Variants in PCDHGC3 observed in about 807,000 individuals in gnomAD.
The protein encoded by PCDHGC3 is protocadherin gamma-C3.
Under a neutral mutation model 59.2 loss-of-function variants are expected in PCDHGC3, and 26 were observed. That is an observed-to-expected ratio of 0.44 (90% CI 0.32 to 0.61). The LOEUF (loss-of-function observed/expected upper bound fraction) is 0.61, where lower values mean the gene tolerates loss of function less well. PCDHGC3 is among the 20% of genes least tolerant of loss of function. The pLI, the probability that PCDHGC3 is intolerant of heterozygous loss-of-function variation, is 0.05. For missense variants in PCDHGC3, 1,080 were observed against 1,221.8 expected (o/e 0.88, Z 1.73); for synonymous variants, 487 against 519.7 (o/e 0.94, Z 0.86).
rs936419038 is a variant in PCDHGC3 at position 141,493,313 on chromosome 5, G to T, written c.2431-1494G>T. On this transcript the variant is annotated intron_variant, in intron 1 of 3. Transcript: ENST00000308177. This position sits in a 1 kb window ranked among gnomAD's most constrained non-coding sequence, Gnocchi z 4.3. ...TCAAGTTCACAGAGCAAGTAAGAGA[G>T]ATTCTAACCCCTGTCTAACTCCAGA... Among the ~76,000 whole-genome samples, 4 of 152,214 alleles carry T rather than the reference G, an allele frequency of 2.6e-5. No individual in the cohort carries two copies. Among genetic ancestry groups the T allele is most frequent in the Non-Finnish European group, 4.4e-5 (3 of 68,040 alleles).
At chr5:141,481,656 A>G (rs1425280340) in intron 1 of PCDHGC3, among the ~76,000 whole-genome samples, 1 of 152,084 alleles carries the variant, frequency 6.6e-6, no homozygotes, top group Non-Finnish European at 1.5e-5. Context: ...CATCTCTACT[A>G]ATAATACAAA....
chr5:141,497,191 A>G (rs2099774633), intron 2 of PCDHGC3, among the ~76,000 whole-genome samples: 1 of 126,864 alleles, frequency 7.9e-6, no homozygotes, highest in Admixed American at 8.3e-5. Context: ...TGAGAGGCAG[A>G]GAACAATGTG....
intron 2 of PCDHGC3, among the ~76,000 whole-genome samples, chr5:141,502,253 T>C (rs1331834149): frequency 6.6e-6 from 1 of 152,232 alleles, no homozygotes; most frequent in South Asian, 2.1e-4. Context: ...TTTTTTTTAA[T>C]CCAGGATTTT....
Position 141,491,754 on chromosome 5 carries a change from C to T in PCDHGC3, c.2431-3053C>T. ...CCCCTGGGGGCGGCACTGGAGAAGC[C>T]GCCCGTCCTCATAAGGGATTGAACT... On this transcript the variant is annotated intron_variant, in intron 1 of 3. Transcript: ENST00000308177. The surrounding 1 kb of genome is among the most constrained non-coding windows in gnomAD (Gnocchi z 6.9). 5.7e-6 allele frequency: 9 copies of T among 1,582,682 alleles called. No individual in the cohort carries two copies. The highest frequency in any genetic ancestry group is 7.7e-6 in the Non-Finnish European group (9 of 1,165,614).
Position 141,491,819 on chromosome 5 carries a change from G to C in PCDHGC3, c.2431-2988G>C. The C allele has an allele frequency of 6.7e-7, 1 of 1,482,028 alleles. No individual in the cohort carries two copies. Among genetic ancestry groups the C allele is most frequent in the Non-Finnish European group, 9.0e-7 (1 of 1,116,648 alleles). The allele number at this position is 1,482,028 out of a possible 1,614,324, so 91.8% of individuals were successfully genotyped here. A position where few individuals can be genotyped will look rare whatever the true frequency, so the allele number is the denominator to read the frequency against. On this transcript the variant is annotated intron_variant, in intron 1 of 3. Transcript: ENST00000308177. This position sits in a 1 kb window ranked among gnomAD's most constrained non-coding sequence, Gnocchi z 6.9. ...TCCGGCCGGCTTGGTCGCTGGCTGCGCTCCACCCGATTCTCGGGATCATTG... is the reference window on the plus strand; with the variant it reads ...TCCGGCCGGCTTGGTCGCTGGCTGCCCTCCACCCGATTCTCGGGATCATTG...
At chr5:141,497,849 T>G (rs1337258582) in intron 2 of PCDHGC3, among the ~76,000 whole-genome samples, 1 of 152,192 alleles carries the variant, frequency 6.6e-6, no homozygotes, top group African/African-American at 2.4e-5. Flanking sequence ...ACAAACATTT[T>G]TGATTCAGCG....
Position 141,490,156 on chromosome 5 carries a change from G to T in PCDHGC3, c.2431-4651G>T. On this transcript the variant is annotated intron_variant, in intron 1 of 3. Coordinates refer to ENST00000308177, the MANE Select transcript of PCDHGC3 (RefSeq NM_002588.4). The surrounding 1 kb of genome is among the most constrained non-coding windows in gnomAD (Gnocchi z 5.4). ...TAGCAGTGGGGCAATCCATGTGTTG[G>T]GTCCCATAGACTTTGAGGAGTCACG... is the stretch of plus-strand genomic sequence containing the variant. 3.1e-6 allele frequency: 5 copies of T among 1,614,192 alleles called. No individual in the cohort carries two copies. Among genetic ancestry groups the T allele is most frequent in the Non-Finnish European group, 4.2e-6 (5 of 1,180,034 alleles).
chr5:141,485,632 G>T lies in PCDHGC3; in HGVS notation c.2430+7086G>T. The T allele has an allele frequency of 6.2e-7, 1 of 1,611,766 alleles. No homozygotes were observed. Among genetic ancestry groups the T allele is most frequent in the Non-Finnish European group, 8.5e-7 (1 of 1,178,342 alleles). The stretch of plus-strand genomic sequence containing the variant: ...CAGCTCCTCCAGGACAGCGTTTCCC[G>T]TTGGAAAAGGCTCAGGATGCAGATG... On this transcript the variant is annotated intron_variant, in intron 1 of 3. Coordinates refer to ENST00000308177, the MANE Select transcript of PCDHGC3 (RefSeq NM_002588.4). This position sits in a 1 kb window ranked among gnomAD's most constrained non-coding sequence, Gnocchi z 5.7.
chr5:141,477,634 G>C lies in PCDHGC3; in HGVS notation c.1518G>C (p.Val506=). 2 of 1,614,176 alleles carry C rather than the reference G, an allele frequency of 1.2e-6. No individual in the cohort carries two copies. Among genetic ancestry groups the C allele is most frequent in the Non-Finnish European group, 1.7e-6 (2 of 1,180,034 alleles). The change falls in exon 1 of 4, where the codon GTG becomes GTC. Residue 506 remains valine (V), a synonymous_variant. Transcript: ENST00000308177. This position sits in a 1 kb window ranked among gnomAD's most constrained non-coding sequence, Gnocchi z 4.9. ...LLEQGAETGL[V]GRYFTINRDN... Reference sequence around the variant, plus strand: ...AGCAAGGAGCTGAAACCGGGCTAGTGGGTCGCTATTTCACAATAAATCGTG... The same window carrying C: ...AGCAAGGAGCTGAAACCGGGCTAGTCGGTCGCTATTTCACAATAAATCGTG...
chr5:141,497,062 A>C (rs779414748), intron 2 of PCDHGC3, among the ~76,000 whole-genome samples: 6 of 152,024 alleles, frequency 3.9e-5, no homozygotes, highest in Non-Finnish European at 7.4e-5. Flanking sequence ...GGTGGCAGGC[A>C]CCTGTAATCC....
rs1562142740 is a variant in PCDHGC3, at chr5:141,490,958, ACT to A, written c.2431-3847_2431-3846del. 1 of 1,613,728 alleles carries A rather than the reference ACT, an allele frequency of 6.2e-7. No homozygotes were observed. Among genetic ancestry groups the A allele is most frequent in the Non-Finnish European group, 8.5e-7 (1 of 1,179,830 alleles). On this transcript the variant is annotated intron_variant, in intron 1 of 3. Transcript: ENST00000308177. The surrounding 1 kb of genome is among the most constrained non-coding windows in gnomAD (Gnocchi z 5.4). Reference sequence around the variant, plus strand: ...CTGCACCCACGGCCAGACTGGGAACACTCAGCCCCCCAGCGTCTCCCTCGCTC... The same window carrying A: ...CTGCACCCACGGCCAGACTGGGAACACAGCCCCCCAGCGTCTCCCTCGCTC...
intron 3 of PCDHGC3, among the ~76,000 whole-genome samples, chr5:141,509,815 TCTC>T (rs1596250992): frequency 6.6e-6 from 1 of 152,226 alleles, no homozygotes; most frequent in East Asian, 1.9e-4. Flanking sequence ...GCCGAGCTCT[TCTC>T]CATCTTCTCT....
At position 141,503,992 on chromosome 5, in the gene PCDHGC3, A is replaced by G. The variant is rs1419698681; in HGVS notation, c.2490-1401A>G. 2.6e-5 allele frequency among the ~76,000 whole-genome samples: 4 copies of G among 152,116 alleles called. No homozygotes were observed. In the East Asian group the frequency reaches 7.7e-4, roughly 29 times the overall value. ...GGTGCCAAACCCTTCTTCTTACCTTACAGTCACTTAACTGTCTCTGCTGGT... is the reference window on the plus strand; with the variant it reads ...GGTGCCAAACCCTTCTTCTTACCTTGCAGTCACTTAACTGTCTCTGCTGGT... On this transcript the variant is annotated intron_variant, in intron 2 of 3. Transcript: ENST00000308177.
chr5:141,510,840 A>C (rs2099882997), intron 3 of PCDHGC3, 107 bp from the exon 4 acceptor site: 1 of 1,588,450 alleles, frequency 6.3e-7, no homozygotes, highest in Non-Finnish European at 8.6e-7. Context: ...CAGCGTGGTC[A>C]AGGCCCAGGG....
Position 141,477,919 on chromosome 5 carries a change from G to A in PCDHGC3, c.1803G>A (p.Gly601=). 2.5e-6 allele frequency: 4 copies of A among 1,614,162 alleles called. No individual in the cohort carries two copies. The highest frequency in any genetic ancestry group is 8.5e-7 in the Non-Finnish European group (1 of 1,180,026). The stretch of plus-strand genomic sequence containing the variant: ...TGGTAGGCTGGGACGCGGATGCAGG[G>A]CACAATGCCTGGCTCTCCTACAGTC... ...SRVVGWDADA[G]HNAWLSYSLL... is the part of the protein sequence containing the mutation. The change falls in exon 1 of 4, where the codon GGG becomes GGA. Residue 601 remains glycine, a synonymous_variant. Transcript: ENST00000308177. The surrounding 1 kb of genome is among the most constrained non-coding windows in gnomAD (Gnocchi z 4.9).
chr5:141,495,810 C>T (rs1003475681), intron 2 of PCDHGC3, among the ~76,000 whole-genome samples: 1 of 152,088 alleles, frequency 6.6e-6, no homozygotes, highest in Non-Finnish European at 1.5e-5. Context: ...CGTTTCCTAG[C>T]GCCTTGTGTT....
chr5:141,494,182 C>A (rs188628485), intron 1 of PCDHGC3, among the ~76,000 whole-genome samples: 1 of 152,126 alleles, frequency 6.6e-6, no homozygotes, highest in Non-Finnish European at 1.5e-5. Context: ...AGAAGTGTCC[C>A]GGGACTTGGA....
rs1305046488 is a variant in PCDHGC3, at chr5:141,478,246, C to T, written c.2130C>T (p.Phe710=). The change falls in exon 1 of 4, where the codon TTC becomes TTT. Residue 710 remains phenylalanine, a synonymous_variant. Coordinates refer to ENST00000308177, the MANE Select transcript of PCDHGC3 (RefSeq NM_002588.4). ...LVSVGFVVTV[F]GVIIFKVYKW... is the part of the protein sequence containing the mutation. Reference sequence around the variant, plus strand: ...CTGTGGGGTTTGTGGTCACAGTGTTCGGAGTAATCATATTCAAAGTTTACA... The same window carrying T: ...CTGTGGGGTTTGTGGTCACAGTGTTTGGAGTAATCATATTCAAAGTTTACA... 6.2e-7 allele frequency: 1 copy of T among 1,614,100 alleles called. No individual in the cohort carries two copies. The highest frequency in any genetic ancestry group is 1.7e-5 in the Admixed American group (1 of 60,030).
chr5:141,502,402 A>T (rs1317862793), intron 2 of PCDHGC3, among the ~76,000 whole-genome samples: 1 of 151,976 alleles, frequency 6.6e-6, no homozygotes, highest in Admixed American at 6.6e-5. Flanking sequence ...AATGTCCCCG[A>T]ACCTGGATTT....
Sources: gnomAD v4.1 joint callset for allele counts (sites outside exome capture counted in the v4.1 genomes callset) on GRCh38, gnomAD v4.1.1 for gene constraint, Gnocchi (gnomAD v3.1) non-coding constraint, MANE v1.5 for transcripts, NCBI Gene and HGNC (gene_info 2026-07-23, HGNC 2026-07-21) for gene names.